RFTN1: variants seen among roughly 807,000 people sequenced by gnomAD.
RFTN1 encodes the protein raftlin, lipid raft linker 1.
Under a neutral mutation model 46.5 loss-of-function variants are expected in RFTN1, and 26 were observed. The observed-to-expected ratio is 0.56, with a 90% CI of 0.41 to 0.78. The LOEUF (loss-of-function observed/expected upper bound fraction) is 0.78, where lower values mean the gene tolerates loss of function less well. Ranked by LOEUF, RFTN1 falls within the 30% of genes least tolerant of loss-of-function variation. The pLI is 0.00. For missense variants in RFTN1, 693 were observed against 718.7 expected (o/e 0.96, Z 0.41); for synonymous variants, 261 against 284.2 (o/e 0.92, Z 0.82).
rs890180260 is a variant in RFTN1 at position 16,442,176 on chromosome 3, G to A, written c.146-8139C>T. Among the ~76,000 whole-genome samples, 1 of 152,008 alleles carries A rather than the reference G, an allele frequency of 6.6e-6. No individual in the cohort carries two copies. The highest frequency in any genetic ancestry group is 2.4e-5 in the African/African-American group (1 of 41,376). On this transcript the variant is annotated intron_variant, in intron 2 of 9. Coordinates refer to ENST00000334133, the MANE Select transcript of RFTN1 (RefSeq NM_015150.2). The surrounding 1 kb of genome is among the most constrained non-coding windows in gnomAD (Gnocchi z 4.1). ...AAACAAAACACATATCCAGGCTCAGGAGACCACACCATTAAAACACTATTT... is the reference window on the plus strand; with the variant it reads ...AAACAAAACACATATCCAGGCTCAGAAGACCACACCATTAAAACACTATTT...
chr3:16,367,006 T>C (rs1359578920), intron 6 of RFTN1, among the ~76,000 whole-genome samples: 1 of 152,168 alleles, frequency 6.6e-6, no homozygotes, highest in Non-Finnish European at 1.5e-5. Context: ...GTGGGAGGCA[T>C]GGGGAGGGGA....
chr3:16,441,299 TAAAAAAAAAAAA>T (rs59877269), intron 2 of RFTN1, among the ~76,000 whole-genome samples: 2 of 47,554 alleles, frequency 4.2e-5, no homozygotes, highest in African/African-American at 1.3e-4. Flanking sequence ...TTCCAAGAAC[TAAAAAAAAAAAA>T]AAAAAAAAAG....
chr3:16,375,384 G>T (rs949361560), intron 5 of RFTN1, among the ~76,000 whole-genome samples: 5 of 151,944 alleles, frequency 3.3e-5, no homozygotes, highest in Non-Finnish European at 5.9e-5. Flanking sequence ...CTATATGGGG[G>T]TATAAAAGGT....
At chr3:16,486,783 G>A (rs1420287544) in intron 2 of RFTN1, among the ~76,000 whole-genome samples, 1 of 152,204 alleles carries the variant, frequency 6.6e-6, no homozygotes, top group Non-Finnish European at 1.5e-5. Flanking sequence ...CTGGTGCTAT[G>A]GACTGAATTG....
chr3:16,456,397 A>G (rs552668809), intron 2 of RFTN1, among the ~76,000 whole-genome samples: 1 of 152,320 alleles, frequency 6.6e-6, no homozygotes, highest in Admixed American at 6.5e-5. Context: ...GGAGCATCCT[A>G]AAAGATGAGA....
At chr3:16,417,418 G>C (rs1329929955) in intron 3 of RFTN1, among the ~76,000 whole-genome samples, 1 of 152,194 alleles carries the variant, frequency 6.6e-6, no homozygotes, top group Non-Finnish European at 1.5e-5. Flanking sequence ...AATAATGCTT[G>C]TCAGACAAAC....
chr3:16,353,073 G>T lies in RFTN1; in HGVS notation c.1146+4859C>A, dbSNP rs1487901006. Reference sequence around the variant, plus strand: ...AAAGAGGCAGGAAAGGGACAGACCAGTCCCCACTGTGAGACATGAGAAAGA... The same window carrying T: ...AAAGAGGCAGGAAAGGGACAGACCATTCCCCACTGTGAGACATGAGAAAGA... On this transcript the variant is annotated intron_variant, in intron 7 of 9. Coordinates refer to ENST00000334133, the MANE Select transcript of RFTN1 (RefSeq NM_015150.2). The surrounding 1 kb of genome is among the most constrained non-coding windows in gnomAD (Gnocchi z 5.4). Among the ~76,000 whole-genome samples the T allele has an allele frequency of 6.6e-6, 1 of 152,202 alleles. No homozygotes were observed. The highest frequency in any genetic ancestry group is 1.5e-5 in the Non-Finnish European group (1 of 68,030).
Position 16,317,084 on chromosome 3 carries a change from C to T in RFTN1, c.1481G>A (p.Cys494Tyr), listed in dbSNP as rs2068483081. 1 of 1,613,878 alleles carries T rather than the reference C, an allele frequency of 6.2e-7. No homozygotes were observed. Among genetic ancestry groups the T allele is most frequent in the South Asian group, 1.1e-5 (1 of 91,068 alleles). Residue 494 changes from cysteine (C) to tyrosine (Y), a missense_variant, in exon 10 of 10, where the codon TGT (cysteine) becomes TAT (tyrosine). By Grantham distance (194) the Cys-to-Tyr change is radical. Transcript: ENST00000334133. The surrounding 1 kb of genome is among the most constrained non-coding windows in gnomAD (Gnocchi z 4.3). ...ACCCTCCTGCTGCTGTCCTGAAACA[C>T]AGTTTCCCATGTCTCCAGCTTTGGA... ...QSSKAGDMGN[C>Y]VSGQQQEGGV... is the part of the protein sequence containing the mutation.
At position 16,387,570 on chromosome 3, in the gene RFTN1, T is replaced by TTCTTTCTC. The variant is rs1224689232; in HGVS notation, c.442-9469_442-9468insGAGAAAGA. Among the ~76,000 whole-genome samples the TTCTTTCTC allele has an allele frequency of 4.3e-5, 5 of 116,418 alleles. No individual in the cohort carries two copies. Among genetic ancestry groups the TTCTTTCTC allele is most frequent in the African/African-American group, 2.0e-4 (5 of 25,514 alleles). The allele number at this position is 116,418 out of a possible 152,430, so 76.4% of individuals were successfully genotyped here. ...CACTTCTCTCTTCTATATCCTCAAT[T>TTCTTTCTC]TCTCTCTCTCTCTCTCTCTCTCTCT... On this transcript the variant is annotated intron_variant, in intron 4 of 9. Coordinates refer to ENST00000334133, the MANE Select transcript of RFTN1 (RefSeq NM_015150.2). This position sits in a 1 kb window ranked among gnomAD's most constrained non-coding sequence, Gnocchi z 5.2.
chr3:16,510,691 T>C (rs542521324), intron 1 of RFTN1, among the ~76,000 whole-genome samples: 1 of 152,336 alleles, frequency 6.6e-6, no homozygotes, highest in African/African-American at 2.4e-5. Flanking sequence ...TAAAATGGTA[T>C]AACCATGTTG....
intron 2 of RFTN1, among the ~76,000 whole-genome samples, chr3:16,482,344 A>T (rs1477878516): frequency 1.3e-5 from 2 of 152,236 alleles, no homozygotes; most frequent in African/African-American, 4.8e-5. Flanking sequence ...GCATAAGACA[A>T]TGCTCAACCA....
At chr3:16,355,254 CAA>C (rs1380543065) in intron 7 of RFTN1, among the ~76,000 whole-genome samples, 1 of 152,216 alleles carries the variant, frequency 6.6e-6, no homozygotes, top group African/African-American at 2.4e-5. Context: ...TTTGTTATAG[CAA>C]CAACCCCACT....
At chr3:16,375,694 G>A (rs1388704920) in intron 5 of RFTN1, among the ~76,000 whole-genome samples, 1 of 152,204 alleles carries the variant, frequency 6.6e-6, no homozygotes, top group African/African-American at 2.4e-5. Context: ...GTGTTTACCT[G>A]CCTAGGGAGA....
chr3:16,327,435 T>G lies in RFTN1; in HGVS notation c.1147-559A>C, dbSNP rs563867019. Among the ~76,000 whole-genome samples, 3 of 152,236 alleles carry G rather than the reference T, an allele frequency of 2.0e-5. No individual in the cohort carries two copies. The highest frequency in any genetic ancestry group is 7.2e-5 in the African/African-American group (3 of 41,540). ...GCCATGTTTTATTTCAAATTAGGAT[T>G]TGGGGAACTAACATTTGTCTTTCAG... is the stretch of plus-strand genomic sequence containing the variant. On this transcript the variant is annotated intron_variant, in intron 7 of 9. Transcript: ENST00000334133. The surrounding 1 kb of genome is among the most constrained non-coding windows in gnomAD (Gnocchi z 4.2).
At chr3:16,393,107 G>A (rs1030554253) in intron 4 of RFTN1, among the ~76,000 whole-genome samples, 1 of 152,064 alleles carries the variant, frequency 6.6e-6, no homozygotes, top group Admixed American at 6.6e-5. Flanking sequence ...CACACAATAA[G>A]TAAAAACAGT....
Position 16,351,517 on chromosome 3 carries a change from G to A in RFTN1, c.1146+6415C>T, listed in dbSNP as rs1044679087. ...TCCAGAGCCTCATGACAAAGTCTGCGGGGTTGCAGAGGCTGTAATGATACC... is the reference window on the plus strand; with the variant it reads ...TCCAGAGCCTCATGACAAAGTCTGCAGGGTTGCAGAGGCTGTAATGATACC... On this transcript the variant is annotated intron_variant, in intron 7 of 9. Transcript: ENST00000334133. This position sits in a 1 kb window ranked among gnomAD's most constrained non-coding sequence, Gnocchi z 5.4. Among the ~76,000 whole-genome samples, 10 of 152,178 alleles carry A rather than the reference G, an allele frequency of 6.6e-5. No individual in the cohort carries two copies. The highest frequency in any genetic ancestry group is 2.1e-4 in the South Asian group (1 of 4,828).
At position 16,329,335 on chromosome 3, in the gene RFTN1, G is replaced by C. The variant is rs897448943; in HGVS notation, c.1147-2459C>G. ...AGCACAAGTGGACCGAGACAGGGCG[G>C]AAGTGGAGAAAGGGAAAGGGAAAGA... is the stretch of plus-strand genomic sequence containing the variant. On this transcript the variant is annotated intron_variant, in intron 7 of 9. Coordinates refer to ENST00000334133, the MANE Select transcript of RFTN1 (RefSeq NM_015150.2). This position sits in a 1 kb window ranked among gnomAD's most constrained non-coding sequence, Gnocchi z 4.5. Among the ~76,000 whole-genome samples, 1 of 147,860 alleles carries C rather than the reference G, an allele frequency of 6.8e-6. No individual in the cohort carries two copies.
intron 2 of RFTN1, among the ~76,000 whole-genome samples, chr3:16,462,301 A>G (rs2076019586): frequency 6.6e-6 from 1 of 152,226 alleles, no homozygotes; most frequent in African/African-American, 2.4e-5. Flanking sequence ...AGCCCGTACT[A>G]TTATTATTCT....
chr3:16,418,214 C>T lies in RFTN1; in HGVS notation c.333-8731G>A, dbSNP rs2075120550. On this transcript the variant is annotated intron_variant, in intron 3 of 9. Coordinates refer to ENST00000334133, the MANE Select transcript of RFTN1 (RefSeq NM_015150.2). The surrounding 1 kb of genome is among the most constrained non-coding windows in gnomAD (Gnocchi z 5.0). ...GTAAGTTGAATATGCATTTTGGTCT[C>T]ATGGGAAGATCTAAAATGAGGCCAC... Among the ~76,000 whole-genome samples, 1 of 152,186 alleles carries T rather than the reference C, an allele frequency of 6.6e-6. No homozygotes were observed. The highest frequency in any genetic ancestry group is 2.1e-4 in the South Asian group (1 of 4,830).
Sources: allele counts gnomAD v4.1 joint callset (sites outside exome capture counted in the v4.1 genomes callset), GRCh38; gene constraint gnomAD v4.1.1; non-coding constraint Gnocchi (gnomAD v3.1); transcripts MANE v1.5; gene names NCBI Gene and HGNC (gene_info 2026-07-23, HGNC 2026-07-21).